The following RAB3C variants were observed in gnomAD, a reference collection of about 807,000 sequenced individuals.
RAB3C encodes the protein ras-related protein Rab-3C.
In RAB3C, 17 loss-of-function variants were observed where a neutral mutation model predicts 26.4. The ratio of observed to expected loss-of-function variants is 0.64; its 90% confidence interval spans 0.44 to 0.97. The LOEUF (loss-of-function observed/expected upper bound fraction) is 0.97. RAB3C is among the 50% of genes least tolerant of loss of function. RAB3C has a pLI of 0.00. For synonymous variants in RAB3C, 91 were observed against 95.9 expected, an observed-to-expected ratio of 0.95 and a Z score of 0.30; for missense variants, 242 against 281.9, an observed-to-expected ratio of 0.86 and a Z score of 1.01.
At chr5:58,758,072 G>A (rs1175525899) in intron 3 of RAB3C, among the ~76,000 whole-genome samples, 1 of 152,122 alleles carries the variant, frequency 6.6e-6, no homozygotes, top group East Asian at 1.9e-4. Flanking sequence ...CTCCCAAGTA[G>A]CTGGGACTAC....
intron 3 of RAB3C, among the ~76,000 whole-genome samples, chr5:58,791,966 T>C (rs904169559): frequency 2.6e-5 from 4 of 152,246 alleles, no homozygotes; most frequent in Admixed American, 2.6e-4. Flanking sequence ...GAGATGATAT[T>C]GGCCAGTAAT....
chr5:58,814,681 A>G lies in RAB3C; in HGVS notation c.372-10357A>G, dbSNP rs553532980. On this transcript the variant is annotated intron_variant, in intron 3 of 4. Coordinates refer to ENST00000282878, the MANE Select transcript of RAB3C (RefSeq NM_138453.4). ...TTACCTTTTCCTAGGTCAGACTTTCATTCCTCTCCCTTTGTTGTCCAGAAG... is the reference window on the plus strand; with the variant it reads ...TTACCTTTTCCTAGGTCAGACTTTCGTTCCTCTCCCTTTGTTGTCCAGAAG... 2.0e-5 allele frequency: 3 copies of G among 152,286 alleles called. No individual in the cohort carries two copies. The South Asian group carries it at 6.2e-4, about 32-fold the overall frequency. The allele number at this position is 152,286 out of a possible 1,614,324, so 9.4% of individuals were successfully genotyped here. A position where few individuals can be genotyped will look rare whatever the true frequency, so the allele number is the denominator to read the frequency against.
intron 4 of RAB3C, among the ~76,000 whole-genome samples, chr5:58,828,046 TACA>T (rs766321730): frequency 1.3e-5 from 2 of 152,194 alleles, no homozygotes; most frequent in Non-Finnish European, 2.9e-5. Flanking sequence ...GTTTTTTCTG[TACA>T]ACATTTGCTC....
In RAB3C at chr5:58,854,871, C is replaced by A. The variant is rs1384940016; in HGVS notation, c.*3520C>A. ...ATATATATATTTCACCTACTTAAAT[C>A]TTATTCATATTAATTATAGGCCTTT... On this transcript the variant is annotated 3_prime_UTR_variant, in exon 5 of 5. Transcript: ENST00000282878. 2 of 151,270 alleles carry A rather than the reference C, an allele frequency of 1.3e-5. No homozygotes were observed. Among genetic ancestry groups the A allele is most frequent in the East Asian group, 2.0e-4 (1 of 5,034 alleles). The allele number at this position is 151,270 out of a possible 1,614,324, so 9.4% of individuals were successfully genotyped here.
chr5:58,825,145 A>G lies in RAB3C; in HGVS notation c.479A>G (p.His160Arg). The G allele has an allele frequency of 6.2e-7, 1 of 1,611,534 alleles. No individual in the cohort carries two copies. Among genetic ancestry groups the G allele is most frequent in the Non-Finnish European group, 8.5e-7 (1 of 1,178,712 alleles). Reference sequence around the variant, plus strand: ...GTCATCTCAACTGAGCGAGGTCAACATTTAGGAGAACAGCTTGGTAAGAAA... The same window carrying G: ...GTCATCTCAACTGAGCGAGGTCAACGTTTAGGAGAACAGCTTGGTAAGAAA... ...ERVISTERGQ[H>R]LGEQLGFEFF... The change falls in exon 4 of 5, where the codon CAT becomes CGT. Residue 160 changes from histidine to arginine, a missense_variant. Coordinates refer to ENST00000282878, the MANE Select transcript of RAB3C (RefSeq NM_138453.4).
chr5:58,792,341 T>C (rs4700307), intron 3 of RAB3C, among the ~76,000 whole-genome samples: 106,170 of 152,142 alleles, frequency 0.7, 38,225 homozygotes, highest in Non-Finnish European at 0.8. Context: ...GCCCTATGGC[T>C]ATGGGGGCAA....
At chr5:58,716,816 A>AC (rs1430249135) in intron 2 of RAB3C, among the ~76,000 whole-genome samples, 1 of 151,830 alleles carries the variant, frequency 6.6e-6, no homozygotes, top group Non-Finnish European at 1.5e-5. Flanking sequence ...AAAAAAAAAA[A>AC]AACAACTCAG....
chr5:58,828,751 A>G (rs1334305390), intron 4 of RAB3C, among the ~76,000 whole-genome samples: 1 of 152,000 alleles, frequency 6.6e-6, no homozygotes, highest in Non-Finnish European at 1.5e-5. Context: ...TGAAGGCTAG[A>G]CTCTACATTT....
intron 2 of RAB3C, among the ~76,000 whole-genome samples, chr5:58,666,109 G>A (rs556720199): frequency 6.6e-6 from 1 of 152,098 alleles, no homozygotes; most frequent in Non-Finnish European, 1.5e-5. Flanking sequence ...CTTGCTTCTG[G>A]CAGGTTCCAA....
chr5:58,631,836 C>T (rs2111749858), intron 2 of RAB3C, among the ~76,000 whole-genome samples: 1 of 152,264 alleles, frequency 6.6e-6, no homozygotes, highest in East Asian at 1.9e-4. Context: ...CACAAATTTA[C>T]AGTCAATTGG....
chr5:58,708,879 G>T (rs980643119), intron 2 of RAB3C, among the ~76,000 whole-genome samples: 1 of 152,170 alleles, frequency 6.6e-6, no homozygotes, highest in Non-Finnish European at 1.5e-5. Context: ...ATTAAATTTT[G>T]CTGTATACAT....
At chr5:58,850,062 T>A (rs1486720904) in intron 4 of RAB3C, among the ~76,000 whole-genome samples, 2 of 152,134 alleles carry the variant, frequency 1.3e-5, no homozygotes, top group Non-Finnish European at 2.9e-5. Context: ...TAAATCAACG[T>A]CCCCTGAATG....
intron 2 of RAB3C, among the ~76,000 whole-genome samples, chr5:58,667,314 A>C (rs900997233): frequency 3.9e-5 from 6 of 152,182 alleles, no homozygotes; most frequent in African/African-American, 1.4e-4. Context: ...GGCTTCTGGG[A>C]ATCTATTGTT....
At chr5:58,750,368 T>C (rs1347877588) in intron 3 of RAB3C, among the ~76,000 whole-genome samples, 1 of 152,362 alleles carries the variant, frequency 6.6e-6, no homozygotes, top group East Asian at 1.9e-4. Context: ...AGCTATCTCA[T>C]TTTTCTTCTT....
At chr5:58,650,045 C>G (rs1355042537) in intron 2 of RAB3C, among the ~76,000 whole-genome samples, 1 of 152,128 alleles carries the variant, frequency 6.6e-6, no homozygotes, top group Non-Finnish European at 1.5e-5. Context: ...TTATAATTTA[C>G]AATTTATATG....
At chr5:58,756,764 G>T (rs1447740642) in intron 3 of RAB3C, among the ~76,000 whole-genome samples, 1 of 148,526 alleles carries the variant, frequency 6.7e-6, no homozygotes, top group Non-Finnish European at 1.5e-5. Flanking sequence ...TCCTGCAAAG[G>T]ACATGATCTC....
At chr5:58,616,328 T>G (rs573493140) in intron 1 of RAB3C, among the ~76,000 whole-genome samples, 57 of 152,304 alleles carry the variant, frequency 3.7e-4, no homozygotes, top group Admixed American at 9.8e-4. Flanking sequence ...TTGTTTCATG[T>G]TAATGTAAAT....
Position 58,858,238 on chromosome 5 carries a change from T to A in RAB3C, c.*6887T>A, listed in dbSNP as rs376158497. ...GAATGTAACTGTGATAGACTGAAAT[T>A]TGTTCTTAGCTCTCAAAATCCACTG... On this transcript the variant is annotated 3_prime_UTR_variant, in exon 5 of 5. Coordinates refer to ENST00000282878, the MANE Select transcript of RAB3C (RefSeq NM_138453.4). The A allele has an allele frequency of 1.4e-4, 21 of 152,276 alleles. No homozygotes were observed. The East Asian group carries it at 4.1e-3, about 29-fold the overall frequency. The allele number at this position is 152,276 out of a possible 1,614,324, so 9.4% of individuals were successfully genotyped here.
At chr5:58,837,181 C>CT (rs1743768209) in intron 4 of RAB3C, among the ~76,000 whole-genome samples, 1 of 151,880 alleles carries the variant, frequency 6.6e-6, no homozygotes, top group Admixed American at 6.6e-5. Context: ...ATTTTTATGT[C>CT]TTTTTTCTTT....
Sources: allele counts gnomAD v4.1 joint callset (sites outside exome capture counted in the v4.1 genomes callset), GRCh38; gene constraint gnomAD v4.1.1; transcripts MANE v1.5; gene names NCBI Gene and HGNC (gene_info 2026-07-23, HGNC 2026-07-21).